Variants in CADM2 observed in about 807,000 individuals in gnomAD.
The protein encoded by CADM2 is cell adhesion molecule 2.
Under a neutral mutation model 49.8 loss-of-function variants are expected in CADM2, and 12 were observed. The observed-to-expected ratio is 0.24, with a 90% CI of 0.15 to 0.39. The LOEUF is 0.39. CADM2 is among the 10% of genes least tolerant of loss of function. CADM2 has a pLI of 1.00. For synonymous variants in CADM2, 214 were observed against 175.4 expected (o/e 1.22, Z -1.74); for missense variants, 378 against 492.3 (o/e 0.77, Z 2.20).
intron 1 of CADM2, among the ~76,000 whole-genome samples, chr3:85,197,315 A>G (rs1411146858): frequency 6.6e-6 from 1 of 151,936 alleles, no homozygotes; most frequent in Non-Finnish European, 1.5e-5. Flanking sequence ...TGGAGGCTTA[A>G]CAGGGTAACC....
At chr3:85,002,765 T>A (rs1439020291) in intron 1 of CADM2, among the ~76,000 whole-genome samples, 1 of 152,038 alleles carries the variant, frequency 6.6e-6, no homozygotes, top group East Asian at 1.9e-4. Flanking sequence ...TTTACCTGGC[T>A]TTCCTTTTCT....
At chr3:85,633,650 T>C (rs1017069458) in intron 1 of CADM2, among the ~76,000 whole-genome samples, 1 of 152,048 alleles carries the variant, frequency 6.6e-6, no homozygotes, top group African/African-American at 2.4e-5. Flanking sequence ...ATCCTGTTTT[T>C]CATAGAATAT....
chr3:85,920,418 A>G (rs958680769), intron 6 of CADM2, among the ~76,000 whole-genome samples: 2 of 151,844 alleles, frequency 1.3e-5, no homozygotes, highest in African/African-American at 4.8e-5. Flanking sequence ...AAGAATTTTA[A>G]TTTAGCCTAA....
intron 1 of CADM2, among the ~76,000 whole-genome samples, chr3:85,711,122 T>G (rs1188824715): frequency 6.6e-6 from 1 of 152,170 alleles, no homozygotes; most frequent in Non-Finnish European, 1.5e-5. Context: ...AAGTAGTTTT[T>G]TAAATTATGG....
Position 84,989,480 on chromosome 3 carries a change from C to T in CADM2, c.61+29812C>T, listed in dbSNP as rs186268661. Among the ~76,000 whole-genome samples the T allele has an allele frequency of 4.2e-3, 643 of 152,104 alleles. 6 individuals are homozygous for T. The highest frequency in any genetic ancestry group is 4.5e-3 in the Non-Finnish European group (306 of 67,970). On this transcript the variant is annotated intron_variant, in intron 1 of 9. Coordinates refer to ENST00000383699, the MANE Select transcript of CADM2 (RefSeq NM_001167675.2). ...CATTTATAATGAGCAAACTCTCTCT[C>T]TTGTTAATGGTTAGATAATTTCAGG...
intron 1 of CADM2, among the ~76,000 whole-genome samples, chr3:85,497,515 ATG>A (rs2039954685): frequency 6.6e-6 from 1 of 152,158 alleles, no homozygotes; most frequent in Admixed American, 6.5e-5. Context: ...ATTTTAAAGA[ATG>A]TATTTAATTT....
rs560531172 is a variant in CADM2 at position 85,348,224 on chromosome 3, G to A, written c.62-378298G>A. Among the ~76,000 whole-genome samples the A allele has an allele frequency of 4.6e-5, 7 of 152,228 alleles. No individual in the cohort carries two copies. The East Asian group carries it at 1.4e-3, about 29-fold the overall frequency. ...TGAAGTGTCAATATGAAGGCTCTCA[G>A]GTGGGAAGAATTCTCTCTTACTCTA... On this transcript the variant is annotated intron_variant, in intron 1 of 9. Transcript: ENST00000383699.
rs539868435 is a variant in CADM2, at chr3:85,349,909, G to T, written c.62-376613G>T. Among the ~76,000 whole-genome samples the T allele has an allele frequency of 3.9e-5, 6 of 152,314 alleles. No individual in the cohort carries two copies. The East Asian group carries it at 1.2e-3, about 29-fold the overall frequency. On this transcript the variant is annotated intron_variant, in intron 1 of 9. Coordinates refer to ENST00000383699, the MANE Select transcript of CADM2 (RefSeq NM_001167675.2). ...GTTCAGGATTGGTAGAAACAGCAAG[G>T]TGGGAGTTTAAGGCAAGAGCAGCAA...
chr3:85,377,722 AT>A (rs2033675059), intron 1 of CADM2, among the ~76,000 whole-genome samples: 2 of 152,124 alleles, frequency 1.3e-5, no homozygotes, highest in Non-Finnish European at 2.9e-5. Context: ...ATGAAAACAC[AT>A]TTTTAAAAGT....
At chr3:85,379,671 A>G (rs1369278254) in intron 1 of CADM2, among the ~76,000 whole-genome samples, 2 of 152,044 alleles carry the variant, frequency 1.3e-5, no homozygotes, top group African/African-American at 4.8e-5. Flanking sequence ...CCACAAATCA[A>G]TATTGTACCC....
At chr3:85,329,295 C>T (rs376223090) in intron 1 of CADM2, among the ~76,000 whole-genome samples, 2 of 151,440 alleles carry the variant, frequency 1.3e-5, no homozygotes, top group South Asian at 4.2e-4. Context: ...CCAGCACTTT[C>T]GGAGGCCGAG....
chr3:85,757,235 G>T (rs1245070484), intron 2 of CADM2, among the ~76,000 whole-genome samples: 1 of 152,044 alleles, frequency 6.6e-6, no homozygotes, highest in Non-Finnish European at 1.5e-5. Context: ...TATAAGAAAA[G>T]GACTAAAGAT....
chr3:86,043,838 G>T (rs544892339), intron 8 of CADM2, among the ~76,000 whole-genome samples: 74 of 152,276 alleles, frequency 4.9e-4, no homozygotes, highest in Non-Finnish European at 1.0e-3. Flanking sequence ...AAACAAAACA[G>T]CATGGTAGTG....
At chr3:85,406,929 G>C (rs199846171) in intron 1 of CADM2, among the ~76,000 whole-genome samples, 1 of 152,048 alleles carries the variant, frequency 6.6e-6, no homozygotes, top group Non-Finnish European at 1.5e-5. Flanking sequence ...GGGTACAGTG[G>C]TCATGCCCGT....
intron 3 of CADM2, among the ~76,000 whole-genome samples, chr3:85,832,626 G>T (rs7646889): frequency 0.051 from 7,749 of 151,584 alleles, 556 homozygotes; most frequent in African/African-American, 0.16. Flanking sequence ...TTGTTGTATA[G>T]AAATGCTACT....
At chr3:85,911,671 C>T (rs1717611529) in intron 5 of CADM2, among the ~76,000 whole-genome samples, 3 of 152,102 alleles carry the variant, frequency 2.0e-5, no homozygotes, top group African/African-American at 7.2e-5. Flanking sequence ...TTAGGCATAG[C>T]CATATAGTTG....
chr3:85,045,395 T>A (rs1239275622), intron 1 of CADM2, among the ~76,000 whole-genome samples: 2 of 152,118 alleles, frequency 1.3e-5, no homozygotes, highest in African/African-American at 4.8e-5. Context: ...TCTAGCTCAT[T>A]TACACATTTT....
chr3:85,622,864 A>AT (rs1019762652), intron 1 of CADM2, among the ~76,000 whole-genome samples: 1 of 152,042 alleles, frequency 6.6e-6, no homozygotes, highest in Non-Finnish European at 1.5e-5. Flanking sequence ...GTGTCTGCAA[A>AT]TTTTTTTTGT....
chr3:85,712,535 A>G (rs2067148540), intron 1 of CADM2, among the ~76,000 whole-genome samples: 1 of 152,190 alleles, frequency 6.6e-6, no homozygotes, highest in Admixed American at 6.5e-5. Flanking sequence ...TACCTAATAC[A>G]TTTTCTGAAA....
Sources: gnomAD v4.1 joint callset for allele counts (sites outside exome capture counted in the v4.1 genomes callset) on GRCh38, gnomAD v4.1.1 for gene constraint, MANE v1.5 for transcripts, NCBI Gene and HGNC (gene_info 2026-07-23, HGNC 2026-07-21) for gene names.